Variants in GALNTL6 observed in about 807,000 individuals in gnomAD.
GALNTL6 encodes polypeptide N-acetylgalactosaminyltransferase-like 6.
GALNTL6 carries 46 observed loss-of-function variants against 73.7 expected under a neutral mutation model. The observed-to-expected ratio is 0.62, with a 90% confidence interval of 0.49 to 0.80. The LOEUF (loss-of-function observed/expected upper bound fraction) is 0.80, where lower values mean the gene tolerates loss of function less well. Ranked by LOEUF, GALNTL6 falls within the 30% of genes least tolerant of loss-of-function variation. The pLI is 0.00. For synonymous variants in GALNTL6, 259 were observed against 263.7 expected (o/e 0.98, Z 0.17); for missense variants, 604 against 755.0 (o/e 0.80, Z 2.34).
intron 2 of GALNTL6, among the ~76,000 whole-genome samples, chr4:171,906,528 G>C (rs1309399198): frequency 1.3e-5 from 2 of 152,008 alleles, no homozygotes; most frequent in Non-Finnish European, 2.9e-5. Context: ...AAAGAGTCCA[G>C]GTCCAGATGG....
At chr4:171,843,518 A>G (rs887490864) in intron 2 of GALNTL6, among the ~76,000 whole-genome samples, 3 of 152,052 alleles carry the variant, frequency 2.0e-5, no homozygotes, top group African/African-American at 7.2e-5. Context: ...TTTAGATTCT[A>G]CCTATTTTTC....
chr4:172,988,788 G>A (rs1751409461), intron 10 of GALNTL6, among the ~76,000 whole-genome samples: 1 of 152,232 alleles, frequency 6.6e-6, no homozygotes, highest in South Asian at 2.1e-4. Flanking sequence ...ATAGGTCTCA[G>A]GCCACTGCTC....
At chr4:172,665,959 T>C (rs1335340342) in intron 5 of GALNTL6, among the ~76,000 whole-genome samples, 1 of 152,176 alleles carries the variant, frequency 6.6e-6, no homozygotes, top group Admixed American at 6.5e-5. Flanking sequence ...CTCTGTCCCC[T>C]TCTTACATAT....
chr4:172,034,384 AG>A, intron 2 of GALNTL6, among the ~76,000 whole-genome samples: 1 of 137,464 alleles, frequency 7.3e-6, no homozygotes, highest in East Asian at 2.2e-4. Context: ...TTCTTCCTTA[AG>A]GGGAGCGTGC....
chr4:172,748,680 G>A (rs1737250849), intron 5 of GALNTL6, among the ~76,000 whole-genome samples: 2 of 152,014 alleles, frequency 1.3e-5, no homozygotes, highest in Admixed American at 1.3e-4. Context: ...GAGGTCTGGA[G>A]GTCTGGTGAC....
At chr4:172,215,933 A>G (rs1429238866) in intron 2 of GALNTL6, among the ~76,000 whole-genome samples, 1 of 152,124 alleles carries the variant, frequency 6.6e-6, no homozygotes, top group African/African-American at 2.4e-5. Context: ...AGTCCACAGT[A>G]AATAACAGTA....
At chr4:171,922,113 T>C (rs1434528865) in intron 2 of GALNTL6, among the ~76,000 whole-genome samples, 1 of 151,816 alleles carries the variant, frequency 6.6e-6, no homozygotes, top group Non-Finnish European at 1.5e-5. Flanking sequence ...TTGTGTCTTA[T>C]GTGAAAAGCA....
At chr4:172,655,579 A>T (rs1730952002) in intron 5 of GALNTL6, among the ~76,000 whole-genome samples, 1 of 152,196 alleles carries the variant, frequency 6.6e-6, no homozygotes, top group African/African-American at 2.4e-5. Context: ...AGTTGACACT[A>T]CAAAACCTAG....
At chr4:172,705,322 C>A (rs1350628136) in intron 5 of GALNTL6, among the ~76,000 whole-genome samples, 4 of 149,798 alleles carry the variant, frequency 2.7e-5, no homozygotes, top group African/African-American at 9.8e-5. Flanking sequence ...CTTGCGTTTG[C>A]TTTCTATTTT....
At chr4:172,674,955 T>C (rs1237366213) in intron 5 of GALNTL6, among the ~76,000 whole-genome samples, 1 of 152,196 alleles carries the variant, frequency 6.6e-6, no homozygotes, top group Admixed American at 6.5e-5. Flanking sequence ...CCTATCTATA[T>C]TCTGAATTCT....
At chr4:171,850,865 AC>A (rs1212148787) in intron 2 of GALNTL6, among the ~76,000 whole-genome samples, 1 of 152,168 alleles carries the variant, frequency 6.6e-6, no homozygotes, top group Non-Finnish European at 1.5e-5. Flanking sequence ...TTTAGTTTAC[AC>A]TACTGAATGC....
chr4:172,670,843 G>C (rs992008451), intron 5 of GALNTL6, among the ~76,000 whole-genome samples: 2 of 152,002 alleles, frequency 1.3e-5, no homozygotes. Flanking sequence ...GTAAGGAAGG[G>C]GTCTAGTTTC....
intron 5 of GALNTL6, among the ~76,000 whole-genome samples, chr4:172,687,829 G>C (rs1733023979): frequency 6.6e-6 from 1 of 152,112 alleles, no homozygotes; most frequent in South Asian, 2.1e-4. Context: ...ATAAAGTATG[G>C]GACAGTCTCG....
chr4:172,366,015 A>G (rs2111248218), intron 5 of GALNTL6, among the ~76,000 whole-genome samples: 1 of 152,302 alleles, frequency 6.6e-6, no homozygotes, highest in Non-Finnish European at 1.5e-5. Flanking sequence ...TGAATTAGAT[A>G]ATTTGACAGC....
intron 5 of GALNTL6, among the ~76,000 whole-genome samples, chr4:172,385,856 G>A (rs77681162): frequency 0.021 from 3,121 of 150,270 alleles, 102 homozygotes; most frequent in African/African-American, 0.071. Context: ...TTTTTTCTTC[G>A]GTTACATATA....
At chr4:172,079,661 A>G (rs1351815128) in intron 2 of GALNTL6, among the ~76,000 whole-genome samples, 1 of 152,024 alleles carries the variant, frequency 6.6e-6, no homozygotes, top group Non-Finnish European at 1.5e-5. Context: ...TCCTTTGCTC[A>G]GTAGTGCCTC....
chr4:172,175,079 A>ATTT (rs376274267), intron 2 of GALNTL6, among the ~76,000 whole-genome samples: 3 of 146,186 alleles, frequency 2.1e-5, no homozygotes, highest in Non-Finnish European at 3.0e-5. Context: ...ACAAACAAGA[A>ATTT]TTTTTTTTTT....
chr4:171,851,298 C>A (rs4692904), intron 2 of GALNTL6, among the ~76,000 whole-genome samples: 112,663 of 152,066 alleles, frequency 0.74, 41,934 homozygotes, highest in South Asian at 0.87. Context: ...ATTGTTTTCT[C>A]TTTTGGTAGA....
chr4:172,624,682 GA>G (rs1371090570), intron 5 of GALNTL6, among the ~76,000 whole-genome samples: 1 of 152,004 alleles, frequency 6.6e-6, no homozygotes, highest in Non-Finnish European at 1.5e-5. Flanking sequence ...AATGCAATTA[GA>G]TCATACAATG....
Sources: gnomAD v4.1 joint callset for allele counts (sites outside exome capture counted in the v4.1 genomes callset) on GRCh38, gnomAD v4.1.1 for gene constraint, MANE v1.5 for transcripts, NCBI Gene and HGNC (gene_info 2026-07-23, HGNC 2026-07-21) for gene names.